KCNMA1: variants seen among roughly 807,000 people sequenced by gnomAD.
KCNMA1 encodes the protein Calcium-activated potassium channel subunit alpha-1.
A neutral mutation model predicts 140.0 loss-of-function variants in KCNMA1; 29 were observed. The observed-to-expected ratio is 0.21, with a 90% CI of 0.15 to 0.28. KCNMA1 has a LOEUF of 0.28. Among genes scored for constraint, KCNMA1 ranks in the 10% least tolerant of loss-of-function variants. KCNMA1 has a pLI of 1.00. For missense variants in KCNMA1, 880 were observed against 1,602.2 expected, an observed-to-expected ratio of 0.55 and a Z score of 7.70; for synonymous variants, 612 against 611.9, an observed-to-expected ratio of 1.00 and a Z score of 0.00.
chr10:77,392,861 C>T (rs2095881822), intron 2 of KCNMA1, among the ~76,000 whole-genome samples: 1 of 152,208 alleles, frequency 6.6e-6, no homozygotes, highest in African/African-American at 2.4e-5. Flanking sequence ...GCCCTGTCAG[C>T]CTCGCCCCAC....
At chr10:77,022,599 G>A (rs552055660) in intron 16 of KCNMA1, among the ~76,000 whole-genome samples, 1 of 152,240 alleles carries the variant, frequency 6.6e-6, no homozygotes, top group Admixed American at 6.5e-5. Flanking sequence ...TTGAGTAGAG[G>A]GGTACAAAAC....
At chr10:77,187,938 A>G (rs1048256477) in intron 3 of KCNMA1, among the ~76,000 whole-genome samples, 6 of 152,196 alleles carry the variant, frequency 3.9e-5, no homozygotes, top group African/African-American at 1.4e-4. Context: ...CAACCCATGG[A>G]GAAGTTCAAT....
intron 19 of KCNMA1, among the ~76,000 whole-genome samples, chr10:76,998,777 A>G (rs1338496199): frequency 6.6e-6 from 1 of 152,212 alleles, no homozygotes; most frequent in Non-Finnish European, 1.5e-5. Flanking sequence ...GGGGATTGCT[A>G]TTGGAGCACT....
At chr10:77,618,412 AC>A (rs2090302941) in intron 1 of KCNMA1, among the ~76,000 whole-genome samples, 1 of 152,180 alleles carries the variant, frequency 6.6e-6, no homozygotes, top group Non-Finnish European at 1.5e-5. Context: ...GAGTCTAGAT[AC>A]CATAAATATG....
At chr10:76,952,258 C>T (rs746696013) in intron 21 of KCNMA1, 33 of 1,336,144 alleles carry the variant, frequency 2.5e-5, no homozygotes, top group Middle Eastern at 4.1e-4. Flanking sequence ...CAGTGACTCA[C>T]GCCTGTAATC....
At chr10:77,488,126 G>T (rs1205447380) in intron 1 of KCNMA1, among the ~76,000 whole-genome samples, 1 of 152,296 alleles carries the variant, frequency 6.6e-6, no homozygotes, top group South Asian at 2.1e-4. Context: ...GTGGCCCAAC[G>T]ATGTCGACAA....
Position 76,953,913 on chromosome 10 carries a change from A to AAGG in KCNMA1, c.2369_2371dup (p.Pro790_Leu791insSer). 1.2e-6 allele frequency: 2 copies of AAGG among 1,614,108 alleles called. No homozygotes were observed. Among genetic ancestry groups the AAGG allele is most frequent in the Non-Finnish European group, 1.7e-6 (2 of 1,179,966 alleles). On this transcript the variant is annotated inframe_insertion, in exon 21 of 28. Coordinates refer to ENST00000286628, the MANE Select transcript of KCNMA1 (RefSeq NM_001161352.2). ...AATCTGATCATTGCCAGGAATTAAC[A>AAGG]AGGGGTCATGCCTGGGAAGAAAAGG...
chr10:77,633,233 T>C (rs1455910988), intron 1 of KCNMA1, among the ~76,000 whole-genome samples: 4 of 152,036 alleles, frequency 2.6e-5, no homozygotes, highest in Non-Finnish European at 5.9e-5. Context: ...GAGAATTGCT[T>C]GAACCCAGGA....
intron 2 of KCNMA1, among the ~76,000 whole-genome samples, chr10:77,270,154 G>A (rs2064603258): frequency 6.6e-6 from 1 of 152,176 alleles, no homozygotes; most frequent in Non-Finnish European, 1.5e-5. Context: ...TGGCAATGCA[G>A]GCCTCATTCC....
intron 15 of KCNMA1, among the ~76,000 whole-genome samples, chr10:77,035,406 C>CTT (rs2094255021): frequency 6.6e-6 from 1 of 152,228 alleles, no homozygotes; most frequent in South Asian, 2.1e-4. Flanking sequence ...TACCACAGCA[C>CTT]TTATCAGTGG....
At chr10:76,877,662 G>C, downstream of KCNMA1, 1 of 1,376,262 alleles carries the variant, frequency 7.3e-7, no homozygotes, top group South Asian at 1.3e-5. Flanking sequence ...CAGTGATTCA[G>C]CATGTAAGAA....
intron 2 of KCNMA1, among the ~76,000 whole-genome samples, chr10:77,314,943 C>CAT (rs1240705264): frequency 3.3e-5 from 5 of 151,504 alleles, no homozygotes; most frequent in Non-Finnish European, 5.9e-5. Flanking sequence ...CACACACACA[C>CAT]ACACACACAC....
At chr10:76,874,156 G>A (rs573284565), downstream of KCNMA1, 1 of 152,294 alleles carries the variant, frequency 6.6e-6, no homozygotes, top group East Asian at 1.9e-4. Context: ...ATGCAGGTGT[G>A]TCCAAATTGA....
intron 5 of KCNMA1, among the ~76,000 whole-genome samples, chr10:77,164,228 A>G (rs760857531): frequency 1.3e-5 from 2 of 152,134 alleles, no homozygotes; most frequent in Non-Finnish European, 2.9e-5. Context: ...GCCAGCCCCA[A>G]TCCATTCCAC....
intron 9 of KCNMA1, among the ~76,000 whole-genome samples, chr10:77,095,646 A>G (rs954866728): frequency 6.6e-6 from 1 of 152,198 alleles, no homozygotes; most frequent in African/African-American, 2.4e-5. Flanking sequence ...TTTCATGTGC[A>G]TATCTTCACT....
At chr10:77,633,347 A>C (rs1479159182) in intron 1 of KCNMA1, among the ~76,000 whole-genome samples, 1 of 151,982 alleles carries the variant, frequency 6.6e-6, no homozygotes, top group African/African-American at 2.4e-5. Context: ...AGAGAGAGAG[A>C]GAGCAAGGAA....
At chr10:77,036,382 A>G (rs2094335261) in intron 15 of KCNMA1, among the ~76,000 whole-genome samples, 1 of 152,106 alleles carries the variant, frequency 6.6e-6, no homozygotes, top group Non-Finnish European at 1.5e-5. Context: ...TCCTGCTCCC[A>G]TATCTTTTCA....
At position 77,549,124 on chromosome 10, in the gene KCNMA1, T is replaced by C. The variant is rs566178815; in HGVS notation, c.378+88141A>G. Among the ~76,000 whole-genome samples, 5 of 152,298 alleles carry C rather than the reference T, an allele frequency of 3.3e-5. No individual in the cohort carries two copies. In the South Asian group the frequency reaches 1.0e-3, roughly 32 times the overall value. On this transcript the variant is annotated intron_variant, in intron 1 of 27. Coordinates refer to ENST00000286628, the MANE Select transcript of KCNMA1 (RefSeq NM_001161352.2). ...ACTATTCTAAATGCCTTGTATGTAT[T>C]AACCTCACCATCACAGAGAGTCCTC... is the stretch of plus-strand genomic sequence containing the variant.
In KCNMA1 at chr10:77,120,968, C is replaced by T; in HGVS notation, c.884+5G>A. On this transcript the variant is annotated splice_donor_5th_base_variant and intron_variant, in intron 6 of 27. Transcript: ENST00000286628. ...ATGAAAAAAATATGACGAAGAACAT[C>T]TTACCTTGTTTTAAGAATATTCAGA... The T allele has an allele frequency of 6.4e-7, 1 of 1,552,672 alleles. No homozygotes were observed. The highest frequency in any genetic ancestry group is 1.1e-5 in the South Asian group (1 of 89,636).
Sources: gnomAD v4.1 joint callset for allele counts (sites outside exome capture counted in the v4.1 genomes callset) on GRCh38, gnomAD v4.1.1 for gene constraint, MANE v1.5 for transcripts, NCBI Gene and HGNC (gene_info 2026-07-23, HGNC 2026-07-21) for gene names.